Variants in ZC3H12B observed in about 807,000 individuals in gnomAD.
ZC3H12B encodes zinc finger CCCH-type containing 12B.
A neutral mutation model predicts 43.9 loss-of-function variants in ZC3H12B; 7 were observed. The observed-to-expected ratio is 0.16, with a 90% CI of 0.09 to 0.30. The LOEUF is 0.30. Among genes scored for constraint, ZC3H12B ranks in the 10% least tolerant of loss-of-function variants. The pLI is 1.00. For synonymous variants in ZC3H12B, 222 were observed against 241.7 expected (o/e 0.92, Z 0.76); for missense variants, 475 against 670.2 (o/e 0.71, Z 3.22).
the ZC3H12B span, among the ~76,000 whole-genome samples, chrX:65,342,390 A>T: frequency 1.8e-5 from 2 of 111,986 alleles, no homozygotes; most frequent in Admixed American, 1.9e-4. Context: ...CATACTCTAA[A>T]ATCGACCACG....
the ZC3H12B span, among the ~76,000 whole-genome samples, chrX:65,213,339 C>G: frequency 3.3e-4 from 36 of 110,505 alleles, no homozygotes; most frequent in Non-Finnish European, 5.9e-4. Context: ...CACTCCAACA[C>G]CACAAATATT....
chrX:65,212,560 A>T, the ZC3H12B span, among the ~76,000 whole-genome samples: 1 of 78,116 alleles, frequency 1.3e-5, no homozygotes, highest in African/African-American at 5.1e-5. Context: ...ATTATATTAT[A>T]TGTTATATAT....
the ZC3H12B span, among the ~76,000 whole-genome samples, chrX:65,211,192 G>T: frequency 0.019 from 2,016 of 107,672 alleles, 64 homozygotes; most frequent in African/African-American, 0.065. Context: ...TTTCTTTGTA[G>T]ATTCTGGATA....
upstream of ZC3H12B, among the ~76,000 whole-genome samples, chrX:65,488,160 T>G (rs768847241): frequency 2.3e-4 from 26 of 111,463 alleles, no homozygotes; most frequent in East Asian, 6.5e-3. Flanking sequence ...CATGAGCCAC[T>G]GTGCCCGGCC....
chrX:65,380,677 G>A (rs1023942326), intron 2 of ZC3H12B, among the ~76,000 whole-genome samples: 1 of 111,903 alleles, frequency 8.9e-6, no homozygotes, highest in Non-Finnish European at 1.9e-5. Context: ...TGGATAAAGA[G>A]TCAAGACCCA....
At chrX:65,121,314 G>C in the ZC3H12B span, among the ~76,000 whole-genome samples, 1 of 111,180 alleles carries the variant, frequency 9.0e-6, no homozygotes, top group East Asian at 2.8e-4. Flanking sequence ...ATTAATTATT[G>C]CCTCAATTTC....
chrX:65,468,875 G>A (rs760215847), intron 3 of ZC3H12B, among the ~76,000 whole-genome samples: 6 of 107,639 alleles, frequency 5.6e-5, no homozygotes, highest in Non-Finnish European at 1.2e-4. Flanking sequence ...TTCCTTATTT[G>A]TTAGATTCAT....
the ZC3H12B span, among the ~76,000 whole-genome samples, chrX:65,200,037 C>T: frequency 1.1e-4 from 12 of 111,392 alleles, no homozygotes; most frequent in African/African-American, 3.9e-4. Context: ...CACCACACTG[C>T]CTTCTACAAT....
chrX:65,248,508 C>T, the ZC3H12B span, among the ~76,000 whole-genome samples: 1 of 111,893 alleles, frequency 8.9e-6, no homozygotes, highest in East Asian at 2.8e-4. Flanking sequence ...AATATTTATT[C>T]AGTGCTTATG....
the ZC3H12B span, among the ~76,000 whole-genome samples, chrX:65,172,115 G>A: frequency 1.8e-4 from 20 of 112,374 alleles, no homozygotes; most frequent in Non-Finnish European, 7.5e-5. Context: ...ACTGACACTG[G>A]GAGATGTAGA....
At chrX:65,302,712 A>G in the ZC3H12B span, among the ~76,000 whole-genome samples, 1 of 112,017 alleles carries the variant, frequency 8.9e-6, no homozygotes, top group Non-Finnish European at 1.9e-5. Context: ...CTTAGAACTG[A>G]AGAACAAGAA....
the ZC3H12B span, among the ~76,000 whole-genome samples, chrX:65,353,260 C>T: frequency 1.8e-5 from 2 of 111,238 alleles, no homozygotes; most frequent in African/African-American, 6.5e-5. Context: ...CTGAAACACA[C>T]AACAAAAACA....
At chrX:65,312,822 C>T in the ZC3H12B span, among the ~76,000 whole-genome samples, 1 of 111,769 alleles carries the variant, frequency 8.9e-6, no homozygotes, top group Non-Finnish European at 1.9e-5. Flanking sequence ...GAGAGCTCCA[C>T]CCTCATGACC....
chrX:65,409,685 G>A (rs770585841), intron 3 of ZC3H12B, among the ~76,000 whole-genome samples: 3 of 109,833 alleles, frequency 2.7e-5, no homozygotes, highest in African/African-American at 9.9e-5. Flanking sequence ...CCAACAGTGA[G>A]CAATCCTAAA....
the ZC3H12B span, among the ~76,000 whole-genome samples, chrX:65,228,392 T>C: frequency 2.7e-5 from 3 of 111,381 alleles, no homozygotes; most frequent in Non-Finnish European, 3.8e-5. Context: ...CTCAAAATAA[T>C]AAGAGCTATC....
chrX:65,181,139 A>G, the ZC3H12B span, among the ~76,000 whole-genome samples: 85 of 111,842 alleles, frequency 7.6e-4, no homozygotes, highest in African/African-American at 2.6e-3. Context: ...CCTGACAAAA[A>G]CAAGCAATGG....
chrX:65,116,301 G>T, the ZC3H12B span, among the ~76,000 whole-genome samples: 1 of 111,335 alleles, frequency 9.0e-6, no homozygotes, highest in African/African-American at 3.3e-5. Context: ...TTGTTGAATA[G>T]GATGTCCTTT....
chrX:65,094,026 C>T, the ZC3H12B span, among the ~76,000 whole-genome samples: 2 of 110,498 alleles, frequency 1.8e-5, no homozygotes, highest in African/African-American at 6.6e-5. Context: ...GGATTGTTAG[C>T]ACCATTCCTT....
At chrX:65,211,756 T>C in the ZC3H12B span, among the ~76,000 whole-genome samples, 1 of 83,729 alleles carries the variant, frequency 1.2e-5, no homozygotes, top group Non-Finnish European at 2.1e-5. Flanking sequence ...TATAATATAT[T>C]ATATATAATG....
Sources: gnomAD v4.1 joint callset for allele counts (sites outside exome capture counted in the v4.1 genomes callset) on GRCh38, gnomAD v4.1.1 for gene constraint, MANE v1.5 for transcripts, NCBI Gene and HGNC (gene_info 2026-07-23, HGNC 2026-07-21) for gene names.